Variants in UROD observed in about 807,000 individuals in gnomAD.
UROD encodes uroporphyrinogen III decarboxylase.
A neutral mutation model predicts 47.1 loss-of-function variants in UROD; 34 were observed. That is an observed-to-expected ratio of 0.72 (90% CI 0.55 to 0.96). The LOEUF is 0.96. UROD is among the 40% of genes least tolerant of loss of function. The probability of loss-of-function intolerance (pLI) is 0.00; values close to 1 mark genes in which losing one functional copy is unlikely to be tolerated. For synonymous variants in UROD, 148 were observed against 175.8 expected (o/e 0.84, Z 1.25); for missense variants, 381 against 471.8 (o/e 0.81, Z 1.78).
In UROD at chr1:45,013,443, T is replaced by A; in HGVS notation, c.276+89T>A. ...CCAGTCAAGGTTTACAATAAGCACT[T>A]ATCCTAACTGGATCGAGGGAAAAAC... On this transcript the variant is annotated intron_variant, in intron 4 of 9. Coordinates refer to ENST00000246337, the MANE Select transcript of UROD (RefSeq NM_000374.5). This position sits in a 1 kb window ranked among gnomAD's most constrained non-coding sequence, Gnocchi z 4.2. The A allele has an allele frequency of 1.2e-6, 2 of 1,605,648 alleles. No homozygotes were observed. Among genetic ancestry groups the A allele is most frequent in the Non-Finnish European group, 1.7e-6 (2 of 1,172,390 alleles).
rs140927480 is a variant in UROD, at chr1:45,015,448, G to A, written c.1054G>A (p.Ala352Thr). The change falls in exon 10 of 10, where the codon GCC (alanine) becomes ACC (threonine). Residue 352 changes from alanine (A) to threonine (T), a missense_variant. Coordinates refer to ENST00000246337, the MANE Select transcript of UROD (RefSeq NM_000374.5). ...YPDMDPEHVG[A>T]FVDAVHKHSR... ...TGACATGGACCCAGAACATGTGGGC[G>A]CCTTTGTGGATGCTGTGCATAAACA... is the stretch of plus-strand genomic sequence containing the variant. 2.0e-5 allele frequency: 33 copies of A among 1,614,070 alleles called. No individual in the cohort carries two copies. The highest frequency in any genetic ancestry group is 2.0e-4 in the African/African-American group (15 of 74,918).
chr1:45,013,528 T>A lies in UROD; in HGVS notation c.277-66T>A, dbSNP rs1644822912. The A allele has an allele frequency of 9.9e-6, 16 of 1,610,966 alleles. No individual in the cohort carries two copies. Among genetic ancestry groups the A allele is most frequent in the Admixed American group, 1.7e-5 (1 of 59,724 alleles). ...ATTCTCCTTTTCCTTCCTCCTGGAA[T>A]GAGCTGAACAGAACCTTTCCTCCTG... On this transcript the variant is annotated intron_variant, in intron 4 of 9. Transcript: ENST00000246337. The surrounding 1 kb of genome is among the most constrained non-coding windows in gnomAD (Gnocchi z 4.2).
Position 45,014,421 on chromosome 1 carries a change from TCAC to T in UROD, c.637-15_637-13del. 6.2e-7 allele frequency: 1 copy of T among 1,614,110 alleles called. No individual in the cohort carries two copies. Among genetic ancestry groups the T allele is most frequent in the Non-Finnish European group, 8.5e-7 (1 of 1,180,030 alleles). On this transcript the variant is annotated splice_polypyrimidine_tract_variant and intron_variant, in intron 6 of 9. Transcript: ENST00000246337. ...CTCTTTGTGTGTTACATATTTTTCT[TCAC>T]CATACCCTAACTAGGCATTGCAGCT... is the stretch of plus-strand genomic sequence containing the variant.
chr1:45,014,640 G>A, intron 7 of UROD, 64 bp downstream of exon 7: 9 of 1,613,714 alleles, frequency 5.6e-6, no homozygotes, highest in Non-Finnish European at 7.6e-6. Flanking sequence ...GTCCTGCATG[G>A]ACTGGAGTGA....
At position 45,014,542 on chromosome 1, in the gene UROD, G is replaced by C; in HGVS notation, c.740G>C (p.Arg247Thr). The C allele has an allele frequency of 6.2e-7, 1 of 1,614,254 alleles. No homozygotes were observed. Among genetic ancestry groups the C allele is most frequent in the East Asian group, 2.2e-5 (1 of 44,888 alleles). ...GATGTGGCCAAGCAAGTGAAGGCCA[G>C]GTTGCGGGAGGCAGGCCTGGCACCA... ...IRDVAKQVKARLREAGLAPVP... is the reference protein window; with the variant it reads ...IRDVAKQVKATLREAGLAPVP... The change falls in exon 7 of 10, where the codon AGG becomes ACG. Residue 247 changes from arginine to threonine, a missense_variant. By Grantham distance (71) the Arg-to-Thr change is moderately conservative. Coordinates refer to ENST00000246337, the MANE Select transcript of UROD (RefSeq NM_000374.5).
Position 45,013,306 on chromosome 1 carries a change from C to T in UROD, c.228C>T (p.Phe76=). Residue 76 remains phenylalanine (F), a synonymous_variant, in exon 4 of 10, where the codon TTC becomes TTT. Transcript: ENST00000246337. The surrounding 1 kb of genome is among the most constrained non-coding windows in gnomAD (Gnocchi z 4.2). The part of the protein sequence containing the change: ...CELTLQPLRR[F]PLDAAIIFSD... ...GTTTCCTACAGCCACTGCGTCGCTT[C>T]CCTCTGGATGCTGCCATCATTTTCT... 1 of 1,614,206 alleles carries T rather than the reference C, an allele frequency of 6.2e-7. No homozygotes were observed. The highest frequency in any genetic ancestry group is 8.5e-7 in the Non-Finnish European group (1 of 1,180,040).
chr1:45,013,611 G>T lies in UROD; in HGVS notation c.294G>T (p.Val98=). 2 of 1,614,154 alleles carry T rather than the reference G, an allele frequency of 1.2e-6. No individual in the cohort carries two copies. The highest frequency in any genetic ancestry group is 2.2e-5 in the South Asian group (2 of 91,068). The change falls in exon 5 of 10, where the codon GTG becomes GTT. Residue 98 remains valine (V), a synonymous_variant. Coordinates refer to ENST00000246337, the MANE Select transcript of UROD (RefSeq NM_000374.5). This position sits in a 1 kb window ranked among gnomAD's most constrained non-coding sequence, Gnocchi z 4.2. ...LVVPQALGME[V]TMVPGKGPSF... ...CCCTCCAGGCACTGGGCATGGAGGTGACCATGGTACCTGGCAAAGGACCCA... is the reference window on the plus strand; with the variant it reads ...CCCTCCAGGCACTGGGCATGGAGGTTACCATGGTACCTGGCAAAGGACCCA...
rs771447828 is a variant in UROD, at chr1:45,014,494, A to T, written c.692A>T (p.Lys231Met). ...AGHLGPQLFNKFALPYIRDVA... is the reference protein window; with the variant it reads ...AGHLGPQLFNMFALPYIRDVA... ...CATCTTGGCCCACAGCTCTTCAACA[A>T]GTTTGCACTGCCTTACATCCGTGAT... Residue 231 changes from lysine to methionine, a missense_variant, in exon 7 of 10, where the codon AAG becomes ATG. Coordinates refer to ENST00000246337, the MANE Select transcript of UROD (RefSeq NM_000374.5). 2 of 1,614,178 alleles carry T rather than the reference A, an allele frequency of 1.2e-6. No individual in the cohort carries two copies. The highest frequency in any genetic ancestry group is 1.7e-6 in the Non-Finnish European group (2 of 1,180,042).
In UROD at chr1:45,012,264, C is replaced by T; in HGVS notation, c.-2C>T. 6 of 1,613,956 alleles carry T rather than the reference C, an allele frequency of 3.7e-6. No individual in the cohort carries two copies. Among genetic ancestry groups the T allele is most frequent in the Non-Finnish European group, 5.1e-6 (6 of 1,180,022 alleles). On this transcript the variant is annotated 5_prime_UTR_variant, in exon 1 of 10. Coordinates refer to ENST00000246337, the MANE Select transcript of UROD (RefSeq NM_000374.5). ...TGAGCTCGCAGTTACAGACAGCTGA[C>T]CATGGAAGCGAATGGGTTGGGGTGA...
chr1:45,015,465 G>A lies in UROD; in HGVS notation c.1071G>A (p.Val357=), dbSNP rs1644844521. Residue 357 remains valine (V), a synonymous_variant, in exon 10 of 10, where the codon GTG becomes GTA. Transcript: ENST00000246337. ...PEHVGAFVDA[V]HKHSRLLRQN Reference sequence around the variant, plus strand: ...ATGTGGGCGCCTTTGTGGATGCTGTGCATAAACACTCACGTCTGCTTCGAC... The same window carrying A: ...ATGTGGGCGCCTTTGTGGATGCTGTACATAAACACTCACGTCTGCTTCGAC... 6.2e-7 allele frequency: 1 copy of A among 1,614,170 alleles called. No homozygotes were observed. The highest frequency in any genetic ancestry group is 8.5e-7 in the Non-Finnish European group (1 of 1,180,042).
rs772631777 is a variant in UROD at position 45,013,172 on chromosome 1, G to C, written c.170G>C (p.Ser57Thr). 2 of 1,614,162 alleles carry C rather than the reference G, an allele frequency of 1.2e-6. No individual in the cohort carries two copies. Among genetic ancestry groups the C allele is most frequent in the Non-Finnish European group, 1.7e-6 (2 of 1,180,030 alleles). ...RETRAAQDFF[S>T]TCRSPEACCE... ...ACCCGGGCTGCCCAGGACTTTTTCAGCACGTGTCGCTCTCCTGAGGCCTGC... is the reference window on the plus strand; with the variant it reads ...ACCCGGGCTGCCCAGGACTTTTTCACCACGTGTCGCTCTCCTGAGGCCTGC... Residue 57 changes from serine to threonine, a missense_variant, in exon 3 of 10, where the codon AGC (serine) becomes ACC (threonine). Transcript: ENST00000246337. The surrounding 1 kb of genome is among the most constrained non-coding windows in gnomAD (Gnocchi z 4.2).
Position 45,013,234 on chromosome 1 carries a change from AG to A in UROD, c.213+22del. ...TCTGCAGGTGAGGGGTCCACAAAAG[AG>A]GGAAAGATTTATGCCTTCAGTCTGC... On this transcript the variant is annotated intron_variant, in intron 3 of 9. Coordinates refer to ENST00000246337, the MANE Select transcript of UROD (RefSeq NM_000374.5). This position sits in a 1 kb window ranked among gnomAD's most constrained non-coding sequence, Gnocchi z 4.2. 6.2e-7 allele frequency: 1 copy of A among 1,614,118 alleles called. No individual in the cohort carries two copies. The highest frequency in any genetic ancestry group is 1.1e-5 in the South Asian group (1 of 91,080).
At position 45,013,560 on chromosome 1, in the gene UROD, A is replaced by C; in HGVS notation, c.277-34A>C. 1 of 1,613,878 alleles carries C rather than the reference A, an allele frequency of 6.2e-7. No individual in the cohort carries two copies. The highest frequency in any genetic ancestry group is 8.5e-7 in the Non-Finnish European group (1 of 1,179,916). ...AACAGAACCTTTCCTCCTGGATTCC[A>C]TTTTGGGAACCCAGATGTTTTCTCC... is the stretch of plus-strand genomic sequence containing the variant. On this transcript the variant is annotated intron_variant, in intron 4 of 9. Coordinates refer to ENST00000246337, the MANE Select transcript of UROD (RefSeq NM_000374.5). The surrounding 1 kb of genome is among the most constrained non-coding windows in gnomAD (Gnocchi z 4.2).
chr1:45,012,373 C>T (rs1644807380), intron 1 of UROD, 88 bp downstream of exon 1: 1 of 1,593,346 alleles, frequency 6.3e-7, no homozygotes, highest in Admixed American at 1.7e-5. Context: ...CTCCCCTTTC[C>T]CCACCCTGGA....
At chr1:45,012,437 T>C in intron 1 of UROD, 152 bp downstream of exon 1, 3 of 1,154,108 alleles carry the variant, frequency 2.6e-6, no homozygotes, top group Non-Finnish European at 2.6e-6. Flanking sequence ...AAACCATGGA[T>C]TTTTGAGATG....
intron 7 of UROD, 40 bp from the exon 8 acceptor site, chr1:45,014,696 T>C (rs938409748): frequency 6.2e-7 from 1 of 1,613,724 alleles, no homozygotes; most frequent in Non-Finnish European, 8.5e-7. Flanking sequence ...TTAGTGGTTG[T>C]AGCAAGGCCC....
chr1:45,014,294 A>ATT, intron 6 of UROD, 145 bp from the exon 7 acceptor site: 138 of 1,067,048 alleles, frequency 1.3e-4, no homozygotes, highest in Non-Finnish European at 1.7e-4. Flanking sequence ...AGGAAAGTAA[A>ATT]TTTTTTTTTT....
chr1:45,015,158 G>A (rs992568931), intron 9 of UROD, 152 bp downstream of exon 9: 5 of 1,437,748 alleles, frequency 3.5e-6, no homozygotes, highest in Non-Finnish European at 3.8e-6. Context: ...TTTTGTTGCT[G>A]TTGTTCATTT....
Position 45,015,428 on chromosome 1 carries a change from T to C in UROD, c.1034T>C (p.Met345Thr). ...CTGGGCCATGGGCTTTATCCTGACA[T>C]GGACCCAGAACATGTGGGCGCCTTT... is the stretch of plus-strand genomic sequence containing the variant. ...ANLGHGLYPD[M>T]DPEHVGAFVD... Residue 345 changes from methionine to threonine, a missense_variant, in exon 10 of 10, where the codon ATG becomes ACG. Coordinates refer to ENST00000246337, the MANE Select transcript of UROD (RefSeq NM_000374.5). The C allele has an allele frequency of 6.2e-7, 1 of 1,614,186 alleles. No individual in the cohort carries two copies. Among genetic ancestry groups the C allele is most frequent in the African/African-American group, 1.3e-5 (1 of 75,050 alleles).
Sources: allele counts gnomAD v4.1 joint callset, GRCh38; gene constraint gnomAD v4.1.1; non-coding constraint Gnocchi (gnomAD v3.1); transcripts MANE v1.5; gene names NCBI Gene and HGNC (gene_info 2026-07-23, HGNC 2026-07-21).